Variants in FRYL observed in about 807,000 individuals in gnomAD.
The protein encoded by FRYL is FRY like transcription coactivator.
In FRYL, 150 loss-of-function variants were observed where a neutral mutation model predicts 351.2. The ratio of observed to expected loss-of-function variants is 0.43; its 90% confidence interval spans 0.37 to 0.49. FRYL has a LOEUF of 0.49. FRYL is among the 20% of genes least tolerant of loss of function. The probability of loss-of-function intolerance (pLI) is 0.00; values close to 1 mark genes in which losing one functional copy is unlikely to be tolerated. For missense variants in FRYL, 3,036 were observed against 3,619.3 expected (o/e 0.84, Z 4.13); for synonymous variants, 1,153 against 1,257.1 (o/e 0.92, Z 1.75).
intron 1 of FRYL, among the ~76,000 whole-genome samples, chr4:48,713,942 A>T (rs1768430559): frequency 6.6e-6 from 1 of 152,134 alleles, no homozygotes; most frequent in African/African-American, 2.4e-5. Context: ...CAGTGCAATC[A>T]AACTAGAACT....
At position 48,500,161 on chromosome 4, in the gene FRYL, G is replaced by A. The variant is rs373666417; in HGVS notation, c.8652C>T (p.Ser2884=). 1.9e-5 allele frequency: 31 copies of A among 1,605,156 alleles called. No individual in the cohort carries two copies. The highest frequency in any genetic ancestry group is 1.6e-4 in the African/African-American group (12 of 74,280). The change falls in exon 63 of 64, where the codon TCC becomes TCT. Residue 2884 remains serine (S), a synonymous_variant. Coordinates refer to ENST00000358350, the MANE Select transcript of FRYL (RefSeq NM_015030.2). ...QLESILKEAE[S]ASENEEIDIS... ...TGTCAATTTCTTCGTTTTCGGAAGCGGACTCAGCTTCTTTGAGGATACTTT... is the reference window on the plus strand; with the variant it reads ...TGTCAATTTCTTCGTTTTCGGAAGCAGACTCAGCTTCTTTGAGGATACTTT...
chr4:48,630,179 T>C (rs1187214565), intron 4 of FRYL, among the ~76,000 whole-genome samples: 3 of 152,128 alleles, frequency 2.0e-5, no homozygotes, highest in African/African-American at 2.4e-5. Context: ...TGATGGTCCA[T>C]TGACAGTAAT....
chr4:48,557,706 C>T lies in FRYL; in HGVS notation c.3872G>A (p.Ser1291Asn), dbSNP rs762147786. Residue 1291 changes from serine to asparagine, a missense_variant, in exon 34 of 64, where the codon AGC (serine) becomes AAC (asparagine). Physicochemically the swap from Ser to Asn is conservative, Grantham distance 46. Around this residue, in one of 7 missense-constraint regions of FRYL, gnomAD observed 1,987 missense variants for 2,311.7 expected, o/e 0.86. Coordinates refer to ENST00000358350, the MANE Select transcript of FRYL (RefSeq NM_015030.2). ...AGGGTGAGCTGTCTGGATTCTCTGG[C>T]TTATCTCTGAAATTGAAAACAAGTC... ...ELTLAIFSEI[S>N]QRIQTAHPAG... is the part of the protein sequence containing the mutation. The T allele has an allele frequency of 6.2e-7, 1 of 1,613,026 alleles. No individual in the cohort carries two copies. The highest frequency in any genetic ancestry group is 1.7e-5 in the Admixed American group (1 of 60,012).
At chr4:48,570,002 T>C (rs1419414097) in intron 27 of FRYL, among the ~76,000 whole-genome samples, 12 of 152,024 alleles carry the variant, frequency 7.9e-5, no homozygotes, top group Non-Finnish European at 1.3e-4. Context: ...TTTATAGAGA[T>C]GGGATTTTGC....
chr4:48,561,734 G>T, intron 32 of FRYL, 98 bp from the exon 33 acceptor site: 3 of 914,262 alleles, frequency 3.3e-6, no homozygotes, highest in Non-Finnish European at 4.8e-6. Flanking sequence ...CTTCTCCCCA[G>T]CTGAGTGGAG....
At chr4:48,636,687 T>C (rs1464965626) in intron 3 of FRYL, among the ~76,000 whole-genome samples, 1 of 152,032 alleles carries the variant, frequency 6.6e-6, no homozygotes, top group African/African-American at 2.4e-5. Context: ...TTACAAGTTA[T>C]CTGTCAAGAT....
chr4:48,704,532 G>T (rs1767102234), intron 2 of FRYL, among the ~76,000 whole-genome samples: 1 of 152,176 alleles, frequency 6.6e-6, no homozygotes, highest in Non-Finnish European at 1.5e-5. Flanking sequence ...ACACCACAAG[G>T]CTGGGCATGG....
intron 60 of FRYL, among the ~76,000 whole-genome samples, chr4:48,503,915 C>G (rs555402172): frequency 8.5e-5 from 13 of 152,160 alleles, no homozygotes; most frequent in African/African-American, 3.1e-4. Context: ...TTTTAAATAC[C>G]TTTCCTCACT....
At chr4:48,695,348 T>C (rs1310225770) in intron 2 of FRYL, among the ~76,000 whole-genome samples, 1 of 152,186 alleles carries the variant, frequency 6.6e-6, no homozygotes, top group Non-Finnish European at 1.5e-5. Context: ...CAACTGATAA[T>C]GTGCAAACTA....
intron 36 of FRYL, 38 bp downstream of exon 36, chr4:48,553,177 T>C (rs1479715060): frequency 1.5e-5 from 23 of 1,551,772 alleles, no homozygotes; most frequent in Middle Eastern, 1.8e-4. Context: ...AAGATGTCTA[T>C]CATCTCACAC....
At chr4:48,527,862 T>A (rs1726607594) in intron 52 of FRYL, 109 bp downstream of exon 52, 2 of 1,032,626 alleles carry the variant, frequency 1.9e-6, no homozygotes, top group South Asian at 3.3e-5. Flanking sequence ...CATTCTGAGT[T>A]AATACCGTAA....
chr4:48,733,720 G>A (rs928854243), intron 1 of FRYL, among the ~76,000 whole-genome samples: 1 of 152,070 alleles, frequency 6.6e-6, no homozygotes, highest in Non-Finnish European at 1.5e-5. Context: ...ATACAATGGA[G>A]AGGAGGGAGA....
chr4:48,757,211 C>A (rs1450032642), intron 1 of FRYL, among the ~76,000 whole-genome samples: 4 of 152,168 alleles, frequency 2.6e-5, no homozygotes, highest in Non-Finnish European at 4.4e-5. Context: ...CCTCTCTCAC[C>A]ACTCATATTC....
intron 30 of FRYL, 50 bp downstream of exon 30, chr4:48,564,880 AAAT>A (rs1159909368): frequency 5.0e-6 from 5 of 995,376 alleles, no homozygotes; most frequent in Non-Finnish European, 7.7e-6. Flanking sequence ...CATTAACTGC[AAAT>A]AATACAATGA....
intron 3 of FRYL, chr4:48,653,857 G>A: frequency 7.8e-7 from 1 of 1,286,536 alleles, no homozygotes; most frequent in Non-Finnish European, 1.0e-6. Flanking sequence ...AGCAGCAGCG[G>A]TTTTGCCGTT....
chr4:48,673,853 G>A (rs181311362), intron 3 of FRYL, among the ~76,000 whole-genome samples: 3 of 152,248 alleles, frequency 2.0e-5, no homozygotes, highest in South Asian at 4.1e-4. Flanking sequence ...CAAAGTTCAC[G>A]CTCAGCTTAT....
At chr4:48,530,041 G>T (rs1169387481) in intron 50 of FRYL, among the ~76,000 whole-genome samples, 2 of 152,018 alleles carry the variant, frequency 1.3e-5, no homozygotes. Flanking sequence ...CCCTTAATTT[G>T]TTACTTCCAC....
intron 59 of FRYL, among the ~76,000 whole-genome samples, 175 bp downstream of exon 59, chr4:48,509,884 A>C (rs1263955204): frequency 6.6e-6 from 1 of 152,198 alleles, no homozygotes; most frequent in Non-Finnish European, 1.5e-5. Context: ...CTGATTTTTA[A>C]AAGCCAAAGG....
At chr4:48,557,767 C>G in intron 33 of FRYL, 55 bp from the exon 34 acceptor site, 1 of 1,584,504 alleles carries the variant, frequency 6.3e-7, no homozygotes, top group Non-Finnish European at 8.6e-7. Flanking sequence ...TCCTCTGACC[C>G]GTAATTAATT....
Sources: allele counts gnomAD v4.1 joint callset (sites outside exome capture counted in the v4.1 genomes callset), GRCh38; gene constraint gnomAD v4.1.1; regional missense constraint gnomAD v4.1.1; transcripts MANE v1.5; gene names NCBI Gene and HGNC (gene_info 2026-07-23, HGNC 2026-07-21).